The following PCDH15 variants were observed in gnomAD, a reference collection of about 807,000 sequenced individuals.
PCDH15 encodes protocadherin-15.
A neutral mutation model predicts 178.5 loss-of-function variants in PCDH15; 129 were observed. The ratio of observed to expected loss-of-function variants is 0.72; its 90% CI spans 0.63 to 0.84. The LOEUF (loss-of-function observed/expected upper bound fraction) is 0.84. PCDH15 is among the 40% of genes least tolerant of loss of function. The pLI is 0.00. For missense variants in PCDH15, 2,230 were observed against 2,099.9 expected (o/e 1.06, Z -1.21); for synonymous variants, 800 against 732.0 (o/e 1.09, Z -1.50).
At chr10:53,959,710 A>G in intron 23 of PCDH15, 22 bp downstream of exon 23, 1 of 1,568,444 alleles carries the variant, frequency 6.4e-7, no homozygotes. Flanking sequence ...CGTGTATTTC[A>G]AAATCGGACA....
intron 3 of PCDH15, among the ~76,000 whole-genome samples, chr10:54,848,283 T>A (rs1222364090): frequency 6.7e-6 from 1 of 148,260 alleles, no homozygotes; most frequent in Non-Finnish European, 1.5e-5. Context: ...CTTGGGAGGC[T>A]GAGGCAGGAG....
rs757254394 is a variant in PCDH15 at position 55,579,918 on chromosome 10, G to A, written c.-156+47707C>T. Reference sequence around the variant, plus strand: ...GTTGTCCAGGCTGGAGTGCAATGGCGCAATCTCAGCTCACTGCAACCTCTG... The same window carrying A: ...GTTGTCCAGGCTGGAGTGCAATGGCACAATCTCAGCTCACTGCAACCTCTG... On this transcript the variant is annotated intron_variant, in intron 2 of 5. Coordinates refer to the PCDH15 transcript ENST00000613346. 3.3e-5 allele frequency among the ~76,000 whole-genome samples: 5 copies of A among 151,948 alleles called. No individual in the cohort carries two copies. In the East Asian group the frequency reaches 9.7e-4, roughly 30 times the overall value.
rs186540677 is a variant in PCDH15, at chr10:54,633,625, A to C, written c.91+30547T>G. Among the ~76,000 whole-genome samples the C allele has an allele frequency of 2.9e-3, 446 of 152,190 alleles. 1 individual carries two copies. Among genetic ancestry groups the C allele is most frequent in the Non-Finnish European group, 3.5e-3 (237 of 67,996 alleles). ...ACTGGAGGAAAAAAGGTTTGATGTG[A>C]AGAAGATTCAAAAAGTAAAATGAAA... On this transcript the variant is annotated intron_variant, in intron 2 of 37. Coordinates refer to ENST00000644397, the MANE Select transcript of PCDH15 (RefSeq NM_001384140.1).
chr10:54,611,176 T>A (rs2092948390), intron 2 of PCDH15, among the ~76,000 whole-genome samples: 1 of 151,872 alleles, frequency 6.6e-6, no homozygotes, highest in African/African-American at 2.4e-5. Context: ...TTATCTATGC[T>A]AACTCCCATT....
chr10:55,431,053 T>C (rs1838870232), intron 2 of PCDH15, among the ~76,000 whole-genome samples: 1 of 152,124 alleles, frequency 6.6e-6, no homozygotes, highest in African/African-American at 2.4e-5. Flanking sequence ...TAAATCATTA[T>C]CTCCTCTTTT....
intron 9 of PCDH15, among the ~76,000 whole-genome samples, chr10:54,226,626 C>G (rs919086827): frequency 6.6e-6 from 1 of 152,154 alleles, no homozygotes; most frequent in Non-Finnish European, 1.5e-5. Flanking sequence ...ACAATTCATG[C>G]CTTCTCAATA....
At chr10:54,428,587 C>T (rs1175231790) in intron 3 of PCDH15, among the ~76,000 whole-genome samples, 2 of 152,132 alleles carry the variant, frequency 1.3e-5, no homozygotes, top group Non-Finnish European at 1.5e-5. Context: ...CTTACAAGTG[C>T]GTCCCAGAAA....
chr10:54,072,772 A>G (rs1381851703), intron 17 of PCDH15, among the ~76,000 whole-genome samples: 4 of 152,188 alleles, frequency 2.6e-5, no homozygotes, highest in African/African-American at 9.6e-5. Flanking sequence ...CTAATAGGTT[A>G]TGGCACTGAA....
At chr10:55,440,383 A>G (rs1839151328) in intron 2 of PCDH15, among the ~76,000 whole-genome samples, 2 of 152,204 alleles carry the variant, frequency 1.3e-5, no homozygotes, top group African/African-American at 4.8e-5. Context: ...AAGAATATAG[A>G]AAAGCCAACT....
chr10:54,558,031 A>G (rs1237150663), intron 2 of PCDH15, among the ~76,000 whole-genome samples: 4 of 152,046 alleles, frequency 2.6e-5, no homozygotes, highest in Non-Finnish European at 5.9e-5. Flanking sequence ...CAAAACAAAA[A>G]CAAACAAACA....
At chr10:54,970,948 C>A (rs1366656168) in intron 2 of PCDH15, among the ~76,000 whole-genome samples, 1 of 152,072 alleles carries the variant, frequency 6.6e-6, no homozygotes, top group Admixed American at 6.5e-5. Context: ...AAATACCTAA[C>A]TTGTTTGATT....
At chr10:54,782,863 C>T (rs533448551) in intron 1 of PCDH15, among the ~76,000 whole-genome samples, 136 of 152,198 alleles carry the variant, frequency 8.9e-4, no homozygotes, top group Middle Eastern at 6.8e-3. Flanking sequence ...CTCACCCATA[C>T]CACTGATGTT....
At chr10:54,372,894 G>GAT (rs1947881243) in intron 4 of PCDH15, among the ~76,000 whole-genome samples, 1 of 151,670 alleles carries the variant, frequency 6.6e-6, no homozygotes, top group African/African-American at 2.4e-5. Context: ...TATAGGTTAT[G>GAT]ATATGTGTAT....
chr10:53,887,343 A>G (rs545812116), intron 26 of PCDH15, among the ~76,000 whole-genome samples: 2 of 152,320 alleles, frequency 1.3e-5, no homozygotes, highest in South Asian at 2.1e-4. Context: ...GATGGAATAA[A>G]CTATGCTAAC....
chr10:54,438,268 CTTTTTTTTTT>C (rs1039826987), intron 3 of PCDH15, among the ~76,000 whole-genome samples: 30 of 93,986 alleles, frequency 3.2e-4, no homozygotes, highest in African/African-American at 9.9e-4. Context: ...AAGAGAAAAG[CTTTTTTTTTT>C]TTTTTTTTTT....
At chr10:53,882,135 GCTGAGTGTTGGCAGA>G in intron 26 of PCDH15, among the ~76,000 whole-genome samples, 1 of 18,904 alleles carries the variant, frequency 5.3e-5, no homozygotes, top group African/African-American at 1.1e-4. Flanking sequence ...TGGGAGAAAA[GCTGAGTGTTGGCAGA>G]GAAGCTGAGG....
chr10:55,454,148 C>G (rs1839496733), intron 2 of PCDH15, among the ~76,000 whole-genome samples: 1 of 151,894 alleles, frequency 6.6e-6, no homozygotes, highest in South Asian at 2.1e-4. Flanking sequence ...ATATTTAAAA[C>G]AAATCTGCAC....
intron 28 of PCDH15, among the ~76,000 whole-genome samples, chr10:53,843,288 T>C (rs1410357677): frequency 1.3e-5 from 2 of 152,062 alleles, no homozygotes; most frequent in East Asian, 1.9e-4. Context: ...TAAATACCTT[T>C]TAATTGAGAA....
At chr10:54,550,248 C>G (rs1233269691) in intron 2 of PCDH15, among the ~76,000 whole-genome samples, 1 of 151,966 alleles carries the variant, frequency 6.6e-6, no homozygotes, top group East Asian at 1.9e-4. Context: ...TTCTGAAATT[C>G]CAGTCAGCTA....
Sources: gnomAD v4.1 joint callset for allele counts (sites outside exome capture counted in the v4.1 genomes callset) on GRCh38, gnomAD v4.1.1 for gene constraint, MANE v1.5 for transcripts, NCBI Gene and HGNC (gene_info 2026-07-23, HGNC 2026-07-21) for gene names.